EEIG2: variants seen among roughly 807,000 people sequenced by gnomAD.
The protein encoded by EEIG2 is EEIG family member 2.
chr1:108,572,882 T>C, the EEIG2 span, among the ~76,000 whole-genome samples: 2 of 152,236 alleles, frequency 1.3e-5, no homozygotes, highest in African/African-American at 2.4e-5. Flanking sequence ...TTTTTCATAT[T>C]GGCTTCTTTC....
the EEIG2 span, chr1:108,631,100 A>T: frequency 1.3e-5 from 5 of 390,188 alleles, no homozygotes; most frequent in African/African-American, 6.3e-5. Context: ...TTTACAGAAG[A>T]TGTAACACTA....
At chr1:108,573,229 A>G in the EEIG2 span, among the ~76,000 whole-genome samples, 4 of 152,266 alleles carry the variant, frequency 2.6e-5, no homozygotes, top group Admixed American at 2.6e-4. Context: ...TTGCAAATAA[A>G]TAAAGATCAG....
the EEIG2 span, among the ~76,000 whole-genome samples, chr1:108,589,816 G>T: frequency 2.0e-5 from 2 of 101,842 alleles, no homozygotes; most frequent in East Asian, 3.2e-4. Context: ...TTTGAGACAA[G>T]ATCTCAGTTT....
chr1:108,579,772 T>TGTGTGTGTGTGAGAGAGA, the EEIG2 span, among the ~76,000 whole-genome samples: 50 of 58,868 alleles, frequency 8.5e-4, 1 homozygote, highest in African/African-American at 2.9e-3. Flanking sequence ...TGTGTGTGTG[T>TGTGTGTGTGTGAGAGAGA]GAGAGAGAGA....
the EEIG2 span, chr1:108,628,485 A>G: frequency 2.5e-6 from 4 of 1,614,140 alleles, no homozygotes; most frequent in Admixed American, 1.7e-5. Context: ...ACAGGAGTTG[A>G]AAGTATTCTA....
At chr1:108,633,443 A>G in the EEIG2 span, among the ~76,000 whole-genome samples, 6 of 152,208 alleles carry the variant, frequency 3.9e-5, no homozygotes, top group East Asian at 7.8e-4. Context: ...GTGAGCCACC[A>G]TGCCCAGCTT....
At chr1:108,565,339 A>G in the EEIG2 span, among the ~76,000 whole-genome samples, 34 of 152,376 alleles carry the variant, frequency 2.2e-4, no homozygotes, top group African/African-American at 7.9e-4. Context: ...ACTATGTCGT[A>G]TAGCCTGTTG....
chr1:108,580,561 A>C, the EEIG2 span, among the ~76,000 whole-genome samples: 5 of 152,194 alleles, frequency 3.3e-5, no homozygotes, highest in African/African-American at 1.2e-4. Context: ...GAAGGAAATT[A>C]AAAGTGCTGC....
At chr1:108,616,081 C>G in the EEIG2 span, among the ~76,000 whole-genome samples, 1 of 147,332 alleles carries the variant, frequency 6.8e-6, no homozygotes, top group Non-Finnish European at 1.5e-5. Flanking sequence ...TGATTTTAAT[C>G]TATATGGAGC....
the EEIG2 span, among the ~76,000 whole-genome samples, chr1:108,633,853 C>T: frequency 6.6e-6 from 1 of 152,106 alleles, no homozygotes; most frequent in East Asian, 1.9e-4. Flanking sequence ...AATTCTAGTC[C>T]CTAGCCCCTC....
At chr1:108,612,311 A>G in the EEIG2 span, 2 of 1,512,582 alleles carry the variant, frequency 1.3e-6, no homozygotes, top group East Asian at 2.3e-5. Flanking sequence ...ACGTTTCAGG[A>G]TTTACTTGTC....
chr1:108,626,913 G>T, the EEIG2 span: 1 of 152,168 alleles, frequency 6.6e-6, no homozygotes, highest in South Asian at 2.1e-4. Context: ...ACCAGGTTGT[G>T]TCAGATGCAC....
the EEIG2 span, among the ~76,000 whole-genome samples, chr1:108,565,307 G>A: frequency 6.6e-6 from 1 of 152,098 alleles, no homozygotes; most frequent in African/African-American, 2.4e-5. Context: ...AACCTAGATG[G>A]TATAGCCTAC....
chr1:108,616,312 C>T, the EEIG2 span: 14 of 942,056 alleles, frequency 1.5e-5, no homozygotes, highest in African/African-American at 3.3e-5. Context: ...TAGAAAATAT[C>T]GGACTAAGTG....
At chr1:108,630,886 T>C in the EEIG2 span, among the ~76,000 whole-genome samples, 15 of 152,358 alleles carry the variant, frequency 9.8e-5, no homozygotes, top group African/African-American at 3.4e-4. Context: ...TATTCTCTCG[T>C]GGTCAAAACC....
chr1:108,569,160 A>G, the EEIG2 span, among the ~76,000 whole-genome samples: 1 of 152,238 alleles, frequency 6.6e-6, no homozygotes, highest in African/African-American at 2.4e-5. Flanking sequence ...ATGTTAAAGA[A>G]GGCATGTTTC....
the EEIG2 span, among the ~76,000 whole-genome samples, chr1:108,623,764 C>T: frequency 7.4e-4 from 112 of 152,154 alleles, no homozygotes; most frequent in African/African-American, 2.7e-3. Context: ...CTCTGCCTCC[C>T]GGGTTCAAGT....
At chr1:108,586,830 T>C in the EEIG2 span, among the ~76,000 whole-genome samples, 1 of 152,184 alleles carries the variant, frequency 6.6e-6, no homozygotes, top group Non-Finnish European at 1.5e-5. Context: ...AGAAACTGTT[T>C]ACAACTATTA....
chr1:108,576,647 T>C, the EEIG2 span, among the ~76,000 whole-genome samples: 1 of 146,814 alleles, frequency 6.8e-6, no homozygotes, highest in Non-Finnish European at 1.5e-5. Context: ...TATGGCTGCA[T>C]AGTATTCCAT....
Sources: allele counts gnomAD v4.1 joint callset (sites outside exome capture counted in the v4.1 genomes callset), GRCh38; gene constraint gnomAD v4.1.1; transcripts MANE v1.5; gene names NCBI Gene and HGNC (gene_info 2026-07-23, HGNC 2026-07-21).